Variants in NCF1 observed in about 807,000 individuals in gnomAD.
NCF1 encodes the protein neutrophil cytosol factor 1.
A neutral mutation model predicts 34.9 loss-of-function variants in NCF1; 8 were observed. That is an observed-to-expected ratio of 0.23 (90% CI 0.13 to 0.41). NCF1 has a LOEUF of 0.41. Ranked by LOEUF, NCF1 falls within the 10% of genes least tolerant of loss-of-function variation. NCF1 has a pLI of 1.00. For missense variants in NCF1, 122 were observed against 362.4 expected (o/e 0.34, Z 5.39); for synonymous variants, 57 against 146.3 (o/e 0.39, Z 4.41).
Position 74,779,309 on chromosome 7 carries a change from T to C in NCF1, c.282T>C (p.Leu94=), listed in dbSNP as rs377576524. 6.5e-5 allele frequency: 104 copies of C among 1,608,360 alleles called. No homozygotes were observed. The highest frequency in any genetic ancestry group is 8.6e-5 in the Non-Finnish European group (101 of 1,179,044). ...QRAAENRQGT[L]TEYCSTLMSL... Reference sequence around the variant, plus strand: ...CCGCCGAGAACCGCCAGGGCACACTTACCGAGTACTGCAGCACGCTCATGA... The same window carrying C: ...CCGCCGAGAACCGCCAGGGCACACTCACCGAGTACTGCAGCACGCTCATGA... The change falls in exon 4 of 11, where the codon CTT becomes CTC. Residue 94 remains leucine, a synonymous_variant. Coordinates refer to ENST00000289473, the MANE Select transcript of NCF1 (RefSeq NM_000265.7).
At chr7:74,787,637 C>T (rs1796698108) in intron 8 of NCF1, among the ~76,000 whole-genome samples, 1 of 150,990 alleles carries the variant, frequency 6.6e-6, no homozygotes, top group Admixed American at 6.6e-5. Context: ...AGGCTGATCT[C>T]CAACTCCTGG....
chr7:74,782,639 G>A (rs587754645), intron 5 of NCF1, among the ~76,000 whole-genome samples: 4 of 152,144 alleles, frequency 2.6e-5, no homozygotes, highest in South Asian at 4.2e-4. Context: ...GGGAGGCTGA[G>A]GCAGGGAGAT....
In NCF1 at chr7:74,777,301, C is replaced by A. The variant is rs1554413130; in HGVS notation, c.107C>A (p.Ser36Ter). The stretch of plus-strand genomic sequence containing the variant: ...TTCCTGGTGAAATGGCAGGACCTGT[C>A]GGAGAAGGTGGTCTACCGGCGCTTC... ...YMFLVKWQDLSEKVVYRRFTE... is the reference protein window; with the variant it reads ...YMFLVKWQDL The change falls in exon 2 of 11, where the codon TCG becomes TAG. Residue 36 changes from serine (S) to a stop codon, truncating the protein, a stop_gained. Transcript: ENST00000289473. LOFTEE classifies it high-confidence loss of function. 1 of 1,611,438 alleles carries A rather than the reference C, an allele frequency of 6.2e-7. No homozygotes were observed. The highest frequency in any genetic ancestry group is 1.1e-5 in the South Asian group (1 of 90,960).
Position 74,783,534 on chromosome 7 carries a change from T to C in NCF1, c.584T>C (p.Phe195Ser). ...VVEKSESGWW[F>S]CQMKAKRGWI... Reference sequence around the variant, plus strand: ...CGCACCTCTGGCACAGGTTGGTGGTTCTGTCAGATGAAAGCAAAGCGAGGC... The same window carrying C: ...CGCACCTCTGGCACAGGTTGGTGGTCCTGTCAGATGAAAGCAAAGCGAGGC... Residue 195 changes from phenylalanine (F) to serine (S), a missense_variant, in exon 7 of 11, where the codon TTC (phenylalanine) becomes TCC (serine). Transcript: ENST00000289473. 1 of 1,611,658 alleles carries C rather than the reference T, an allele frequency of 6.2e-7. No individual in the cohort carries two copies. The highest frequency in any genetic ancestry group is 8.5e-7 in the Non-Finnish European group (1 of 1,179,726).
intron 2 of NCF1, among the ~76,000 whole-genome samples, chr7:74,778,861 G>T (rs1796525943): frequency 7.4e-6 from 1 of 134,606 alleles, no homozygotes; most frequent in Non-Finnish European, 1.6e-5. Context: ...TTTTAGTAGA[G>T]ACGGGGTTTC....
Position 74,788,608 on chromosome 7 carries a change from C to G in NCF1, c.955C>G (p.Leu319Val). 6.4e-7 allele frequency: 1 copy of G among 1,552,772 alleles called. No individual in the cohort carries two copies. The highest frequency in any genetic ancestry group is 8.7e-7 in the Non-Finnish European group (1 of 1,151,652). ...CATCCACCAGCGGTCGCGGAAGCGC[C>G]TCAGCCAGGACGCCTATCGCCGCAA... ...HSIHQRSRKR[L>V]SQDAYRRNSV... The change falls in exon 10 of 11, where the codon CTC becomes GTC. Residue 319 changes from leucine to valine, a missense_variant. By Grantham distance (32) the Leu-to-Val change is conservative (BLOSUM62 1). Around this residue, in one of 9 missense-constraint regions of NCF1, gnomAD observed 13 missense variants for 16.6 expected, o/e 0.78. Coordinates refer to ENST00000289473, the MANE Select transcript of NCF1 (RefSeq NM_000265.7).
intron 5 of NCF1, among the ~76,000 whole-genome samples, chr7:74,781,879 C>T (rs1247816103): frequency 6.8e-6 from 1 of 147,718 alleles, no homozygotes; most frequent in Non-Finnish European, 1.5e-5. Flanking sequence ...TTAGGGCCCA[C>T]TCTACTGACC....
At chr7:74,778,725 A>T (rs1292812846) in intron 2 of NCF1, among the ~76,000 whole-genome samples, 3 of 114,060 alleles carry the variant, frequency 2.6e-5, no homozygotes, top group African/African-American at 1.0e-4. Context: ...CCCAGGATGG[A>T]GTGCAGTGGC....
intron 10 of NCF1, 67 bp downstream of exon 10, chr7:74,788,771 C>G: frequency 6.6e-7 from 1 of 1,513,496 alleles, no homozygotes; most frequent in South Asian, 1.2e-5. Context: ...GAGGCGGGGC[C>G]AGAGGTAGGG....
intron 6 of NCF1, 33 bp downstream of exon 6, chr7:74,783,094 C>G (rs781974943): frequency 6.2e-7 from 1 of 1,601,158 alleles, no homozygotes; most frequent in Non-Finnish European, 8.5e-7. Context: ...GCTCCTTCCC[C>G]TGGTGCTCAG....
intron 8 of NCF1, among the ~76,000 whole-genome samples, chr7:74,785,748 T>C (rs1459670542): frequency 6.6e-6 from 1 of 151,754 alleles, no homozygotes; most frequent in Non-Finnish European, 1.5e-5. Context: ...CCGGGTGTGG[T>C]GGTGGGAGCC....
chr7:74,787,680 A>C (rs1563005666), intron 8 of NCF1, among the ~76,000 whole-genome samples: 1 of 147,506 alleles, frequency 6.8e-6, no homozygotes, highest in African/African-American at 2.5e-5. Flanking sequence ...GATCCCTCAA[A>C]GTACTGGGAT....
intron 5 of NCF1, among the ~76,000 whole-genome samples, chr7:74,782,041 G>A (rs587651844): frequency 1.0e-4 from 14 of 140,032 alleles, no homozygotes; most frequent in African/African-American, 3.5e-4. Context: ...GCACCTCCAC[G>A]GTTGGATGAA....
In NCF1 at chr7:74,777,350, G is replaced by T. The variant is rs782675140; in HGVS notation, c.153+3G>T. ...TCACCGAGATCTACGAGTTCCATGT[G>T]AGTGTGGGGATGGAGGAGGGACAGG... is the stretch of plus-strand genomic sequence containing the variant. On this transcript the variant is annotated splice_donor_region_variant and intron_variant, in intron 2 of 10. Coordinates refer to ENST00000289473, the MANE Select transcript of NCF1 (RefSeq NM_000265.7). The T allele has an allele frequency of 1.3e-6, 2 of 1,570,382 alleles. No individual in the cohort carries two copies. Among genetic ancestry groups the T allele is most frequent in the South Asian group, 2.3e-5 (2 of 87,936 alleles).
Position 74,785,865 on chromosome 7 carries a change from G to A in NCF1, c.800+566G>A, listed in dbSNP as rs182413790. Among the ~76,000 whole-genome samples the A allele has an allele frequency of 2.0e-4, 25 of 125,254 alleles. 1 individual carries two copies. The highest frequency in any genetic ancestry group is 7.9e-4 in the African/African-American group (25 of 31,734). The allele number at this position is 125,254 out of a possible 152,430, so 82.2% of individuals were successfully genotyped here. On this transcript the variant is annotated intron_variant, in intron 8 of 10. Coordinates refer to ENST00000289473, the MANE Select transcript of NCF1 (RefSeq NM_000265.7). ...GCCATTGCACTCCAGCCTGGGCAAC[G>A]AGAGCGAAACTCCGTCTCAAAAAAA...
chr7:74,785,752 G>A (rs1796660075), intron 8 of NCF1, among the ~76,000 whole-genome samples: 1 of 151,822 alleles, frequency 6.6e-6, no homozygotes, highest in Non-Finnish European at 1.5e-5. Flanking sequence ...GTGTGGTGGT[G>A]GGAGCCTGTA....
intron 2 of NCF1, 91 bp downstream of exon 2, chr7:74,777,438 G>A (rs1796492869): frequency 9.7e-7 from 1 of 1,034,166 alleles, no homozygotes; most frequent in Admixed American, 2.1e-5. Context: ...GGAAACTGCA[G>A]AACCCAGAAT....
At chr7:74,782,016 T>C (rs1343409601) in intron 5 of NCF1, among the ~76,000 whole-genome samples, 1 of 148,380 alleles carries the variant, frequency 6.7e-6, no homozygotes, top group Non-Finnish European at 1.5e-5. Flanking sequence ...TGTCAGCCAA[T>C]ACTAAACAGC....
chr7:74,777,512 G>C, intron 2 of NCF1, 165 bp downstream of exon 2: 1 of 797,956 alleles, frequency 1.3e-6, no homozygotes, highest in Non-Finnish European at 2.0e-6. Context: ...ACAGGGTCTT[G>C]CTCTGTCACC....
Sources: allele counts gnomAD v4.1 joint callset (sites outside exome capture counted in the v4.1 genomes callset), GRCh38; gene constraint gnomAD v4.1.1; regional missense constraint gnomAD v4.1.1; transcripts MANE v1.5; gene names NCBI Gene and HGNC (gene_info 2026-07-23, HGNC 2026-07-21).